The following EXOC4 variants were observed in gnomAD, a reference collection of about 807,000 sequenced individuals.
EXOC4 encodes SEC8-like 1.
In EXOC4, 71 loss-of-function variants were observed where a neutral mutation model predicts 107.2. That is an observed-to-expected ratio of 0.66 (90% CI 0.55 to 0.81). EXOC4 has a LOEUF of 0.81. Ranked by LOEUF, EXOC4 falls within the 30% of genes least tolerant of loss-of-function variation. The pLI is 0.00. For synonymous variants in EXOC4, 456 were observed against 441.2 expected (o/e 1.03, Z -0.42); for missense variants, 1,108 against 1,189.6 (o/e 0.93, Z 1.01).
chr7:133,977,707 G>A (rs1284111405), intron 14 of EXOC4, among the ~76,000 whole-genome samples: 1 of 151,012 alleles, frequency 6.6e-6, no homozygotes, highest in Non-Finnish European at 1.5e-5. Context: ...TTTTGTGTGT[G>A]TGGTTTTTTG....
chr7:133,949,899 C>T (rs1446823361), intron 14 of EXOC4, among the ~76,000 whole-genome samples: 1 of 152,052 alleles, frequency 6.6e-6, no homozygotes, highest in Non-Finnish European at 1.5e-5. Context: ...TTAACAATCA[C>T]CACTTAAAAG....
At chr7:134,080,249 C>A in the EXOC4 span, among the ~76,000 whole-genome samples, 2 of 150,030 alleles carry the variant, frequency 1.3e-5, no homozygotes, top group Admixed American at 1.3e-4. Context: ...CAAAATTCTA[C>A]TATTTTCTTG....
At chr7:133,431,891 T>G (rs1447682024) in intron 7 of EXOC4, among the ~76,000 whole-genome samples, 1 of 152,218 alleles carries the variant, frequency 6.6e-6, no homozygotes, top group Admixed American at 6.5e-5. Context: ...TGGGAAACAG[T>G]GTGTTCAATT....
chr7:133,678,169 C>A (rs953098270), intron 10 of EXOC4, among the ~76,000 whole-genome samples: 7 of 152,118 alleles, frequency 4.6e-5, no homozygotes, highest in Admixed American at 4.6e-4. Context: ...TAGATTTAAT[C>A]CCACATGTAA....
chr7:133,465,794 G>A (rs942718878), intron 7 of EXOC4, among the ~76,000 whole-genome samples: 1 of 152,126 alleles, frequency 6.6e-6, no homozygotes, highest in African/African-American at 2.4e-5. Context: ...ATGGGTAACA[G>A]AAGAAAGACC....
At chr7:133,538,833 G>A (rs957479636) in intron 9 of EXOC4, among the ~76,000 whole-genome samples, 7 of 96,476 alleles carry the variant, frequency 7.3e-5, no homozygotes, top group Non-Finnish European at 1.1e-4. Context: ...CCTGTGTCTT[G>A]AAAGAAAAAG....
chr7:133,929,375 T>A (rs201794115), intron 13 of EXOC4, among the ~76,000 whole-genome samples: 1 of 145,028 alleles, frequency 6.9e-6, no homozygotes, highest in African/African-American at 2.6e-5. Flanking sequence ...AGAATTGTTA[T>A]TTGTTTTAAA....
intron 17 of EXOC4, among the ~76,000 whole-genome samples, chr7:134,042,973 G>A (rs955399612): frequency 2.6e-5 from 4 of 152,170 alleles, no homozygotes; most frequent in African/African-American, 9.7e-5. Context: ...CCCGGGAGGT[G>A]GAGGTTGCAG....
chr7:133,956,970 A>T (rs1413773090), intron 14 of EXOC4, among the ~76,000 whole-genome samples: 2 of 152,134 alleles, frequency 1.3e-5, no homozygotes, highest in African/African-American at 4.8e-5. Flanking sequence ...TTTCCACGTG[A>T]TAATACCATT....
At chr7:133,573,845 C>A (rs549533985) in intron 9 of EXOC4, among the ~76,000 whole-genome samples, 1 of 152,110 alleles carries the variant, frequency 6.6e-6, no homozygotes, top group South Asian at 2.1e-4. Flanking sequence ...TGCCAGCCTA[C>A]GGTTTGATTC....
chr7:133,978,171 A>G (rs1427506530), intron 14 of EXOC4, among the ~76,000 whole-genome samples: 1 of 152,182 alleles, frequency 6.6e-6, no homozygotes, highest in Non-Finnish European at 1.5e-5. Flanking sequence ...CTCCCGTTAC[A>G]TGTCACTTCC....
At chr7:133,449,168 T>C (rs1798284895) in intron 7 of EXOC4, among the ~76,000 whole-genome samples, 1 of 152,088 alleles carries the variant, frequency 6.6e-6, no homozygotes, top group South Asian at 2.1e-4. Context: ...ACACAAGGAA[T>C]GCCATGTAAT....
At chr7:133,475,529 G>T (rs553221191) in intron 8 of EXOC4, 56 bp downstream of exon 8, 2 of 1,484,260 alleles carry the variant, frequency 1.3e-6, no homozygotes, top group South Asian at 2.3e-5. Context: ...GAAGTAAGAT[G>T]ACTTCCTACT....
At chr7:133,613,133 A>G (rs1272699204) in intron 9 of EXOC4, among the ~76,000 whole-genome samples, 1 of 152,210 alleles carries the variant, frequency 6.6e-6, no homozygotes, top group Non-Finnish European at 1.5e-5. Flanking sequence ...CTATATATTG[A>G]TATTAGTCTA....
chr7:133,498,281 T>A (rs914174560), intron 9 of EXOC4, among the ~76,000 whole-genome samples: 14 of 152,228 alleles, frequency 9.2e-5, no homozygotes, highest in Non-Finnish European at 1.8e-4. Flanking sequence ...CCATTTACTG[T>A]TTCTTTTTAA....
chr7:134,013,547 A>C (rs1048519159), intron 17 of EXOC4, among the ~76,000 whole-genome samples: 5 of 152,228 alleles, frequency 3.3e-5, no homozygotes, highest in Admixed American at 6.5e-5. Context: ...AGTTAAAATA[A>C]TGTGTTAATA....
intron 10 of EXOC4, among the ~76,000 whole-genome samples, chr7:133,687,036 T>G (rs1794319433): frequency 6.6e-6 from 1 of 150,566 alleles, no homozygotes; most frequent in South Asian, 2.1e-4. Context: ...TGTGTGTGTG[T>G]GTCTGTGTGT....
At chr7:133,643,057 T>C (rs139789748) in intron 10 of EXOC4, among the ~76,000 whole-genome samples, 3 of 152,308 alleles carry the variant, frequency 2.0e-5, no homozygotes, top group African/African-American at 7.2e-5. Context: ...TTTTGCCATA[T>C]TTTTATTATA....
chr7:133,654,693 T>C (rs1027674453), intron 10 of EXOC4, among the ~76,000 whole-genome samples: 1 of 152,178 alleles, frequency 6.6e-6, no homozygotes, highest in South Asian at 2.1e-4. Context: ...TAATAAAATA[T>C]AGTCACACAT....
Sources: allele counts gnomAD v4.1 joint callset (sites outside exome capture counted in the v4.1 genomes callset), GRCh38; gene constraint gnomAD v4.1.1; transcripts MANE v1.5; gene names NCBI Gene and HGNC (gene_info 2026-07-23, HGNC 2026-07-21).